Variants in SCML2 observed in about 807,000 individuals in gnomAD.
SCML2 encodes Scm polycomb group protein like 2, also known as sex comb on midleg-like protein 2.
In SCML2, 6 loss-of-function variants were observed where a neutral mutation model predicts 48.4. That is an observed-to-expected ratio of 0.12 (90% CI 0.07 to 0.24). The LOEUF (loss-of-function observed/expected upper bound fraction) is 0.24. Ranked by LOEUF, SCML2 falls within the 10% of genes least tolerant of loss-of-function variation. The pLI is 1.00. For synonymous variants in SCML2, 181 were observed against 189.5 expected (o/e 0.95, Z 0.37); for missense variants, 377 against 528.2 (o/e 0.71, Z 2.81).
chrX:18,353,977 T>C (rs1275182697), intron 1 of SCML2, among the ~76,000 whole-genome samples: 1 of 112,483 alleles, frequency 8.9e-6, no homozygotes, highest in African/African-American at 3.2e-5. Flanking sequence ...GAGCCCCTCC[T>C]CGCCTCCCCG....
At chrX:18,258,757 T>A (rs7471507) in intron 9 of SCML2, among the ~76,000 whole-genome samples, 1 of 111,061 alleles carries the variant, frequency 9.0e-6, no homozygotes, top group Non-Finnish European at 1.9e-5. Flanking sequence ...CAAGTTATAT[T>A]GATATATATT....
intron 3 of SCML2, among the ~76,000 whole-genome samples, chrX:18,327,912 C>G (rs1379702762): frequency 9.0e-6 from 1 of 111,651 alleles, no homozygotes; most frequent in Non-Finnish European, 1.9e-5. Context: ...GAATTCCCAA[C>G]CAGAAGCCAA....
At chrX:18,306,667 T>C (rs1280172336) in intron 6 of SCML2, among the ~76,000 whole-genome samples, 1 of 111,529 alleles carries the variant, frequency 9.0e-6, no homozygotes, top group Admixed American at 9.5e-5. Flanking sequence ...ACTAATTCTC[T>C]CATCAATTTA....
chrX:18,255,328 C>T (rs1474650138), intron 11 of SCML2, among the ~76,000 whole-genome samples: 1 of 112,056 alleles, frequency 8.9e-6, no homozygotes, highest in Non-Finnish European at 1.9e-5. Flanking sequence ...TGTCTATGGG[C>T]ACATAGCTAG....
intron 9 of SCML2, among the ~76,000 whole-genome samples, chrX:18,259,878 G>C (rs765105484): frequency 1.8e-5 from 2 of 111,356 alleles, no homozygotes; most frequent in African/African-American, 6.5e-5. Context: ...ATGAGATAAA[G>C]GGAAAACAAG....
chrX:18,329,799 C>T (rs1929597207), intron 3 of SCML2, among the ~76,000 whole-genome samples: 1 of 112,423 alleles, frequency 8.9e-6, no homozygotes, highest in Non-Finnish European at 1.9e-5. Flanking sequence ...AAAAAAGAGC[C>T]GGGCACAGTG....
At chrX:18,265,192 T>A (rs1369806965) in intron 8 of SCML2, among the ~76,000 whole-genome samples, 1 of 111,990 alleles carries the variant, frequency 8.9e-6, no homozygotes, top group Non-Finnish European at 1.9e-5. Flanking sequence ...AGTTTTAGAG[T>A]TGACTCCAGC....
At position 18,257,040 on chromosome X, in the gene SCML2, GA is replaced by G. The variant is rs767645141; in HGVS notation, c.1274-11del. ...TCCCCATCAAAGGAGGCTATTGGGG[GA>G]AAAAAAAGGATGTCAGTAACCTCAG... is the stretch of plus-strand genomic sequence containing the variant. On this transcript the variant is annotated splice_polypyrimidine_tract_variant and intron_variant, in intron 10 of 14. Coordinates refer to ENST00000251900, the MANE Select transcript of SCML2 (RefSeq NM_006089.3). The G allele has an allele frequency of 8.7e-5, 96 of 1,101,881 alleles. 1 individual carries two copies. Among genetic ancestry groups the G allele is most frequent in the South Asian group, 3.2e-4 (13 of 40,903 alleles). 90.8% of individuals were successfully genotyped at this position (1,101,881 alleles called of 1,213,427 possible). A position where few individuals can be genotyped will look rare whatever the true frequency, so the allele number is the denominator to read the frequency against.
intron 7 of SCML2, among the ~76,000 whole-genome samples, chrX:18,271,100 A>C (rs1927442423): frequency 9.0e-6 from 1 of 111,451 alleles, no homozygotes; most frequent in South Asian, 3.8e-4. Flanking sequence ...TAAAGCCAAC[A>C]GGGGGTCTGG....
At position 18,262,264 on chromosome X, in the gene SCML2, C is replaced by CT. The variant is rs1927092698; in HGVS notation, c.949-1974dup. Among the ~76,000 whole-genome samples, 2 of 106,209 alleles carry CT rather than the reference C, an allele frequency of 1.9e-5. 1 individual carries two copies. The highest frequency in any genetic ancestry group is 7.3e-5 in the African/African-American group (2 of 27,554). 92.2% of individuals were successfully genotyped at this position (106,209 alleles called of 115,157 possible). The stretch of plus-strand genomic sequence containing the variant: ...AAAAAAAAATCCATGTTGATAATCT[C>CT]TGTCTTTTTAACTAGAAAGGATAAT... On this transcript the variant is annotated intron_variant, in intron 8 of 14. Coordinates refer to ENST00000251900, the MANE Select transcript of SCML2 (RefSeq NM_006089.3).
At chrX:18,339,071 A>G (rs759958881) in intron 1 of SCML2, among the ~76,000 whole-genome samples, 1 of 111,452 alleles carries the variant, frequency 9.0e-6, no homozygotes, top group African/African-American at 3.3e-5. Flanking sequence ...TAGCATTAAC[A>G]TTTAACATTA....
chrX:18,337,504 A>G (rs371591104), intron 1 of SCML2, among the ~76,000 whole-genome samples: 1 of 110,325 alleles, frequency 9.1e-6, no homozygotes, highest in Non-Finnish European at 1.9e-5. Flanking sequence ...GAGAGCAAGG[A>G]AAGTTATCAA....
intron 6 of SCML2, among the ~76,000 whole-genome samples, chrX:18,310,835 T>C (rs181808263): frequency 2.7e-3 from 305 of 110,955 alleles, no homozygotes; most frequent in African/African-American, 9.5e-3. Context: ...GAAACCAGTC[T>C]CAGCATTCTC....
intron 1 of SCML2, among the ~76,000 whole-genome samples, chrX:18,341,976 T>G (rs1930027828): frequency 8.9e-6 from 1 of 112,158 alleles, no homozygotes; most frequent in African/African-American, 3.2e-5. Flanking sequence ...AGTTGAATCC[T>G]CAGAGTGTCT....
At chrX:18,321,068 T>C (rs930796509) in intron 5 of SCML2, among the ~76,000 whole-genome samples, 6 of 111,515 alleles carry the variant, frequency 5.4e-5, no homozygotes, top group African/African-American at 2.0e-4. Context: ...GTAAATATAA[T>C]AAAATGATAA....
At chrX:18,267,371 C>T (rs959798057) in intron 7 of SCML2, among the ~76,000 whole-genome samples, 3 of 111,266 alleles carry the variant, frequency 2.7e-5, no homozygotes, top group Non-Finnish European at 5.6e-5. Flanking sequence ...CCACCTCCAC[C>T]AAAAACCCCT....
chrX:18,304,294 T>C lies in SCML2; in HGVS notation c.730+678A>G, dbSNP rs908638723. ...TTAAGCCTCAGCAGTTACTCCATCA[T>C]AGAAGACCAGGTTAGGCATATCTAA... is the stretch of plus-strand genomic sequence containing the variant. On this transcript the variant is annotated intron_variant, in intron 7 of 14. Coordinates refer to ENST00000251900, the MANE Select transcript of SCML2 (RefSeq NM_006089.3). Among the ~76,000 whole-genome samples the C allele has an allele frequency of 5.4e-5, 6 of 112,050 alleles. No homozygotes were observed. The East Asian group carries it at 1.4e-3, about 26-fold the overall frequency.
intron 11 of SCML2, among the ~76,000 whole-genome samples, chrX:18,252,102 C>T (rs1175433102): frequency 9.0e-6 from 1 of 111,356 alleles, no homozygotes; most frequent in African/African-American, 3.3e-5. Context: ...AGTGAAACCA[C>T]GTCTCTACTA....
At chrX:18,261,898 T>C (rs1369674361) in intron 8 of SCML2, among the ~76,000 whole-genome samples, 1 of 110,263 alleles carries the variant, frequency 9.1e-6, no homozygotes. Flanking sequence ...CTACCATTTA[T>C]ATTAGAACAA....
Sources: allele counts gnomAD v4.1 joint callset (sites outside exome capture counted in the v4.1 genomes callset), GRCh38; gene constraint gnomAD v4.1.1; transcripts MANE v1.5; gene names NCBI Gene and HGNC (gene_info 2026-07-23, HGNC 2026-07-21).